Variants in UBR1 observed in about 807,000 individuals in gnomAD.
UBR1 encodes the protein E3 ubiquitin-protein ligase UBR1.
UBR1 carries 102 observed loss-of-function variants against 242.1 expected under a neutral mutation model. That is an observed-to-expected ratio of 0.42 (90% CI 0.36 to 0.50). The LOEUF (loss-of-function observed/expected upper bound fraction) is 0.50, where lower values mean the gene tolerates loss of function less well. Among genes scored for constraint, UBR1 ranks in the 20% least tolerant of loss-of-function variants. UBR1 has a pLI of 0.01. For missense variants in UBR1, 1,772 were observed against 2,101.8 expected (o/e 0.84, Z 3.07); for synonymous variants, 675 against 684.8 (o/e 0.99, Z 0.22).
chr15:42,959,362 T>G (rs1356788941), intron 43 of UBR1, among the ~76,000 whole-genome samples: 3 of 152,164 alleles, frequency 2.0e-5, no homozygotes, highest in Non-Finnish European at 4.4e-5. Flanking sequence ...TGGCTTAAAT[T>G]TTATAATTAT....
chr15:42,998,257 G>T lies in UBR1; in HGVS notation c.3668C>A (p.Ala1223Glu). ...LQPQKINSEN[A>E]DALAQLLTLA... ...GGTCAAAAGTTGAGCAAGAGCATCT[G>T]CATTCTCACTGAAAAATGATATTTA... The change falls in exon 33 of 47, where the codon GCA becomes GAA. Residue 1223 changes from alanine (A) to glutamate (E), a missense_variant. Coordinates refer to ENST00000290650, the MANE Select transcript of UBR1 (RefSeq NM_174916.3). 1.9e-6 allele frequency: 3 copies of T among 1,613,530 alleles called. No homozygotes were observed.
chr15:43,025,241 G>A (rs1460853378), intron 24 of UBR1, 140 bp downstream of exon 24: 1 of 888,380 alleles, frequency 1.1e-6, no homozygotes, highest in Admixed American at 2.4e-5. Flanking sequence ...CTTAATATGT[G>A]AATAAGAAGC....
intron 20 of UBR1, among the ~76,000 whole-genome samples, chr15:43,030,539 A>G (rs2033241866): frequency 6.6e-6 from 1 of 152,242 alleles, no homozygotes. Flanking sequence ...GAAAAACACA[A>G]TACTTTAAAA....
At chr15:42,998,804 G>C (rs1188045550) in intron 32 of UBR1, among the ~76,000 whole-genome samples, 12 of 152,092 alleles carry the variant, frequency 7.9e-5, no homozygotes, top group Admixed American at 7.9e-4. Context: ...TTCTAAAAAT[G>C]TAAATAGGAT....
chr15:42,989,666 T>C (rs1427440907), intron 34 of UBR1, among the ~76,000 whole-genome samples: 1 of 152,216 alleles, frequency 6.6e-6, no homozygotes, highest in Non-Finnish European at 1.5e-5. Flanking sequence ...TGGAGTGACC[T>C]GAGACTTTTC....
Position 43,001,475 on chromosome 15 carries a change from G to A in UBR1, c.3659+1080C>T, listed in dbSNP as rs77272053. On this transcript the variant is annotated intron_variant, in intron 32 of 46. Coordinates refer to ENST00000290650, the MANE Select transcript of UBR1 (RefSeq NM_174916.3). The stretch of plus-strand genomic sequence containing the variant: ...GCAAGTCTTTATATTGACCCTTCTC[G>A]CCCAACCTATCACCTTTGAACTTTT... Among the ~76,000 whole-genome samples the A allele has an allele frequency of 2.0e-4, 30 of 152,216 alleles. No homozygotes were observed. The East Asian group carries it at 4.4e-3, about 23-fold the overall frequency.
rs573133309 is a variant in UBR1 at position 43,036,453 on chromosome 15, ATTATC to A, written c.2088+70_2088+74del. ...AGTATTTTAAGTTAAAAATTATTAC[ATTATC>A]TTCTCTCCTTAGAAAGAATTCAAGA... On this transcript the variant is annotated intron_variant, in intron 18 of 46. Coordinates refer to ENST00000290650, the MANE Select transcript of UBR1 (RefSeq NM_174916.3). 1.9e-4 allele frequency: 251 copies of A among 1,298,048 alleles called. 3 individuals carry two copies. The South Asian group carries it at 2.9e-3, about 15-fold the overall frequency. The allele number at this position is 1,298,048 out of a possible 1,614,324, so 80.4% of individuals were successfully genotyped here. A position where few individuals can be genotyped will look rare whatever the true frequency, so the allele number is the denominator to read the frequency against.
intron 29 of UBR1, among the ~76,000 whole-genome samples, chr15:43,007,734 A>G (rs2032855036): frequency 6.6e-6 from 1 of 152,210 alleles, no homozygotes; most frequent in African/African-American, 2.4e-5. Flanking sequence ...CTTCATATAA[A>G]TAAGATCACA....
intron 13 of UBR1, among the ~76,000 whole-genome samples, chr15:43,047,832 G>A (rs1183975670): frequency 1.3e-5 from 2 of 152,176 alleles, no homozygotes; most frequent in East Asian, 3.8e-4. Context: ...TAATAAGATT[G>A]CTATAAGGCT....
chr15:43,072,272 T>C (rs2033832843), intron 4 of UBR1, among the ~76,000 whole-genome samples: 1 of 152,152 alleles, frequency 6.6e-6, no homozygotes. Flanking sequence ...TTCTTTAGGA[T>C]TTTTCATATA....
intron 21 of UBR1, among the ~76,000 whole-genome samples, chr15:43,028,235 T>A (rs1195074137): frequency 6.6e-6 from 1 of 152,168 alleles, no homozygotes; most frequent in African/African-American, 2.4e-5. Context: ...ATTAATGAGC[T>A]CCAACTAGTT....
At chr15:42,948,915 C>A (rs1216709780) in intron 46 of UBR1, among the ~76,000 whole-genome samples, 5 of 152,148 alleles carry the variant, frequency 3.3e-5, no homozygotes, top group African/African-American at 9.7e-5. Context: ...TTGACCCAGC[C>A]ATCCCATTAC....
chr15:43,028,834 A>T (rs1270607738), intron 21 of UBR1, among the ~76,000 whole-genome samples: 1 of 151,954 alleles, frequency 6.6e-6, no homozygotes, highest in African/African-American at 2.4e-5. Flanking sequence ...CTGTAATTCC[A>T]GCACTTTGGG....
intron 46 of UBR1, among the ~76,000 whole-genome samples, chr15:42,946,999 A>T (rs2031747839): frequency 6.6e-6 from 1 of 152,068 alleles, no homozygotes; most frequent in Non-Finnish European, 1.5e-5. Context: ...AATACAAAAA[A>T]AATTAGCCGG....
At chr15:43,037,990 C>A in intron 16 of UBR1, 107 bp from the exon 17 acceptor site, 1 of 1,237,344 alleles carries the variant, frequency 8.1e-7, no homozygotes. Context: ...AATGGAAGAG[C>A]TTGAACTAGA....
intron 8 of UBR1, 111 bp downstream of exon 8, chr15:43,059,588 CAAA>C (rs36021315): frequency 0.013 from 12,968 of 987,880 alleles, no homozygotes; most frequent in Middle Eastern, 0.015. Context: ...GTGTATAAAC[CAAA>C]AAAAAAAAAA....
intron 6 of UBR1, among the ~76,000 whole-genome samples, chr15:43,063,653 T>C (rs533625633): frequency 6.6e-6 from 1 of 152,126 alleles, no homozygotes; most frequent in Admixed American, 6.5e-5. Context: ...ATAAAATTAA[T>C]TTTTTAAAAA....
chr15:43,003,786 A>G, intron 31 of UBR1, 51 bp downstream of exon 31: 2 of 1,564,222 alleles, frequency 1.3e-6, no homozygotes, highest in Non-Finnish European at 1.8e-6. Context: ...GCCTTGAGTG[A>G]ACTTCAATGT....
intron 4 of UBR1, among the ~76,000 whole-genome samples, chr15:43,072,188 A>C (rs1462611431): frequency 6.6e-6 from 1 of 152,234 alleles, no homozygotes; most frequent in East Asian, 1.9e-4. Flanking sequence ...AAAATGAAGT[A>C]CATAGTTTTA....
Sources: gnomAD v4.1 joint callset for allele counts (sites outside exome capture counted in the v4.1 genomes callset) on GRCh38, gnomAD v4.1.1 for gene constraint, MANE v1.5 for transcripts, NCBI Gene and HGNC (gene_info 2026-07-23, HGNC 2026-07-21) for gene names.